Variants in RNF149 observed in about 807,000 individuals in gnomAD.
The protein encoded by RNF149 is ring finger protein 149.
RNF149 carries 21 observed loss-of-function variants against 39.0 expected under a neutral mutation model. That is an observed-to-expected ratio of 0.54 (90% CI 0.38 to 0.77). The LOEUF is 0.77. RNF149 is among the 30% of genes least tolerant of loss of function. The pLI, the probability that RNF149 is intolerant of heterozygous loss-of-function variation, is 0.00. For missense variants in RNF149, 493 were observed against 534.9 expected (o/e 0.92, Z 0.77); for synonymous variants, 209 against 213.6 (o/e 0.98, Z 0.19).
intron 6 of RNF149, among the ~76,000 whole-genome samples, chr2:101,280,155 G>A (rs959418247): frequency 6.7e-6 from 1 of 149,390 alleles, no homozygotes; most frequent in Non-Finnish European, 1.5e-5. Context: ...CAGACTGGCC[G>A]ACAGAGCAAG....
chr2:101,285,428 C>T (rs1558781828), intron 5 of RNF149, among the ~76,000 whole-genome samples: 1 of 152,168 alleles, frequency 6.6e-6, no homozygotes, highest in Non-Finnish European at 1.5e-5. Flanking sequence ...TTTAGCTTCT[C>T]TAAGCTCAAG....
At chr2:101,277,753 G>A (rs1682404855) in intron 6 of RNF149, among the ~76,000 whole-genome samples, 2 of 152,122 alleles carry the variant, frequency 1.3e-5, no homozygotes, top group Non-Finnish European at 1.5e-5. Flanking sequence ...TAGCCAACAA[G>A]AAAAATCGGT....
intron 1 of RNF149, among the ~76,000 whole-genome samples, chr2:101,301,060 T>G (rs187460169): frequency 6.6e-6 from 1 of 152,210 alleles, no homozygotes; most frequent in East Asian, 1.9e-4. Context: ...TCACAGAAAC[T>G]CAAAAGACTT....
At chr2:101,273,398 GATTT>G (rs1682211786), downstream of RNF149, 2 of 469,332 alleles carry the variant, frequency 4.3e-6, no homozygotes, top group Non-Finnish European at 8.8e-6. Context: ...AATGAAACCT[GATTT>G]ATTATACATT....
chr2:101,288,918 A>G, intron 4 of RNF149, 55 bp downstream of exon 4: 1 of 826,012 alleles, frequency 1.2e-6, no homozygotes, highest in Non-Finnish European at 2.0e-6. Flanking sequence ...ATTTTGTCAG[A>G]CACCTAAAAC....
chr2:101,275,010 G>A (rs1238568640), downstream of RNF149, among the ~76,000 whole-genome samples: 1 of 151,034 alleles, frequency 6.6e-6, no homozygotes, highest in Non-Finnish European at 1.5e-5. Flanking sequence ...GGTCAGGCTG[G>A]TCTTGAACTC....
At chr2:101,299,404 G>A (rs558407068) in intron 1 of RNF149, among the ~76,000 whole-genome samples, 2 of 152,246 alleles carry the variant, frequency 1.3e-5, no homozygotes, top group South Asian at 4.1e-4. Flanking sequence ...GGCAAGAACT[G>A]TATTTCCGAG....
At position 101,275,830 on chromosome 2, in the gene RNF149, T is replaced by C. The variant is rs1682327663; in HGVS notation, c.*1408A>G. 6 of 978,948 alleles carry C rather than the reference T, an allele frequency of 6.1e-6. No homozygotes were observed. Among genetic ancestry groups the C allele is most frequent in the East Asian group, 1.1e-4 (1 of 8,784 alleles). 60.6% of individuals were successfully genotyped at this position (978,948 alleles called of 1,614,324 possible). A position where few individuals can be genotyped will look rare whatever the true frequency, so the allele number is the denominator to read the frequency against. On this transcript the variant is annotated 3_prime_UTR_variant, in exon 7 of 7. Transcript: ENST00000295317. ...CCTATTTATAATAAACTACAGAAGG[T>C]AGATTTCAAAGGTAATGGCTGTTAT...
chr2:101,299,792 C>T (rs1259955565), intron 1 of RNF149, among the ~76,000 whole-genome samples: 1 of 152,208 alleles, frequency 6.6e-6, no homozygotes, highest in Admixed American at 6.5e-5. Flanking sequence ...GCAAAGGCCA[C>T]ACTATCATTC....
At chr2:101,275,121 T>TTG (rs1682284857), downstream of RNF149, among the ~76,000 whole-genome samples, 1 of 127,058 alleles carries the variant, frequency 7.9e-6, no homozygotes, top group Non-Finnish European at 1.7e-5. Flanking sequence ...GTTTTTTTTT[T>TTG]TTTTTTTTTT....
chr2:101,306,826 T>C (rs1053925078), intron 1 of RNF149, among the ~76,000 whole-genome samples: 2 of 152,218 alleles, frequency 1.3e-5, no homozygotes, highest in African/African-American at 4.8e-5. Context: ...CAAGGTTATT[T>C]TTCTGTCCTC....
intron 1 of RNF149, among the ~76,000 whole-genome samples, chr2:101,302,504 T>C (rs933127423): frequency 2.0e-5 from 3 of 152,204 alleles, no homozygotes; most frequent in African/African-American, 7.2e-5. Flanking sequence ...AAAAATATTT[T>C]GTATTTTTGA....
intron 6 of RNF149, among the ~76,000 whole-genome samples, chr2:101,278,511 A>G (rs925302530): frequency 1.3e-5 from 2 of 150,736 alleles, no homozygotes; most frequent in African/African-American, 2.5e-5. Context: ...TTTTATAAAT[A>G]TAAGTGTATA....
rs372959583 is a variant in RNF149, at chr2:101,298,381, C to T, written c.461-3200G>A. On this transcript the variant is annotated intron_variant, in intron 1 of 6. Transcript: ENST00000295317. ...CAGAGGTTGCAGTGAGCTGAGATCA[C>T]GCTACTGTACTCCAGCCTGGGCAAC... Among the ~76,000 whole-genome samples the T allele has an allele frequency of 7.2e-5, 11 of 152,160 alleles. No individual in the cohort carries two copies. In the East Asian group the frequency reaches 1.7e-3, roughly 24 times the overall value.
chr2:101,302,527 A>G (rs907742537), intron 1 of RNF149, among the ~76,000 whole-genome samples: 1 of 152,172 alleles, frequency 6.6e-6, no homozygotes, highest in Non-Finnish European at 1.5e-5. Flanking sequence ...ATAATACTAT[A>G]TTCAATGTTA....
At chr2:101,271,643 CTT>C (rs1243242084), downstream of RNF149, 2 of 148,852 alleles carry the variant, frequency 1.3e-5, no homozygotes, top group African/African-American at 4.9e-5. Flanking sequence ...CTGCAATAAA[CTT>C]TTTTAAGTAT....
chr2:101,299,054 G>A lies in RNF149; in HGVS notation c.461-3873C>T, dbSNP rs373385380. On this transcript the variant is annotated intron_variant, in intron 1 of 6. Transcript: ENST00000295317. The stretch of plus-strand genomic sequence containing the variant: ...TGCCTGTAATCCCAGCTACTCTGGA[G>A]GCTGAGGCAGAAGAATTGCTCGAAC... Among the ~76,000 whole-genome samples, 8 of 152,324 alleles carry A rather than the reference G, an allele frequency of 5.3e-5. No individual in the cohort carries two copies. The East Asian group carries it at 1.2e-3, about 22-fold the overall frequency.
At chr2:101,289,909 C>T (rs760520084) in intron 3 of RNF149, among the ~76,000 whole-genome samples, 40 of 151,874 alleles carry the variant, frequency 2.6e-4, no homozygotes, top group Admixed American at 2.6e-4. Flanking sequence ...CAGCCAGACA[C>T]GGTGGCTCAT....
chr2:101,295,169 A>AT lies in RNF149; in HGVS notation c.472dup (p.Ile158AsnfsTer7). On this transcript the variant is annotated frameshift_variant, in exon 2 of 7. Transcript: ENST00000295317. LOFTEE classifies it high-confidence loss of function. ...TGGATAGCTAATCATAATGACCACT[A>AT]TATTTCCTGTTCCTGTAGGAAAGAA... 1.2e-6 allele frequency: 2 copies of AT among 1,613,378 alleles called. No individual in the cohort carries two copies. Among genetic ancestry groups the AT allele is most frequent in the Non-Finnish European group, 1.7e-6 (2 of 1,179,310 alleles).
Sources: gnomAD v4.1 joint callset for allele counts (sites outside exome capture counted in the v4.1 genomes callset) on GRCh38, gnomAD v4.1.1 for gene constraint, MANE v1.5 for transcripts, NCBI Gene and HGNC (gene_info 2026-07-23, HGNC 2026-07-21) for gene names.